Variants in ZBTB45 observed in about 807,000 individuals in gnomAD.
ZBTB45 encodes zinc finger and BTB domain containing 45.
A neutral mutation model predicts 28.4 loss-of-function variants in ZBTB45; 22 were observed. That is an observed-to-expected ratio of 0.77 (90% CI 0.55 to 1.10). ZBTB45 has a LOEUF of 1.10. Among genes scored for constraint, ZBTB45 ranks in the 50% least tolerant of loss-of-function variants. The probability of loss-of-function intolerance (pLI) is 0.00; values close to 1 mark genes in which losing one functional copy is unlikely to be tolerated. For missense variants in ZBTB45, 656 were observed against 750.2 expected, an observed-to-expected ratio of 0.87 and a Z score of 1.47; for synonymous variants, 361 against 332.3, an observed-to-expected ratio of 1.09 and a Z score of -0.94.
At chr19:58,533,261 C>T (rs2053643681) in intron 1 of ZBTB45, among the ~76,000 whole-genome samples, 1 of 152,218 alleles carries the variant, frequency 6.6e-6, no homozygotes, top group African/African-American at 2.4e-5. Flanking sequence ...GGGCATTAGT[C>T]CCATTATGGG....
At position 58,517,261 on chromosome 19, in the gene ZBTB45, G is replaced by T. The variant is rs1382155215; in HGVS notation, c.413C>A (p.Thr138Asn). Residue 138 changes from threonine to asparagine, a missense_variant, in exon 2 of 3, where the codon ACC becomes AAC. By Grantham distance (65) the Thr-to-Asn change is moderately conservative (BLOSUM62 0). Around this residue, in one of 3 missense-constraint regions of ZBTB45, gnomAD observed 448 missense variants for 444.3 expected, o/e 1.01. Coordinates refer to ENST00000594051, the MANE Select transcript of ZBTB45 (RefSeq NM_001316979.2). ...PGTSAPTPLPTPVPPPLAPAQ... is the reference protein window; with the variant it reads ...PGTSAPTPLPNPVPPPLAPAQ... ...AGGTGCGAGTGGCGGGGGCACAGGGGTGGGCAGGGGCGTGGGCGCAGAGGT... is the reference window on the plus strand; with the variant it reads ...AGGTGCGAGTGGCGGGGGCACAGGGTTGGGCAGGGGCGTGGGCGCAGAGGT... 2 of 1,583,638 alleles carry T rather than the reference G, an allele frequency of 1.3e-6. No individual in the cohort carries two copies. Among genetic ancestry groups the T allele is most frequent in the East Asian group, 2.3e-5 (1 of 44,300 alleles).
upstream of ZBTB45, among the ~76,000 whole-genome samples, chr19:58,523,386 A>C (rs942171507): frequency 6.6e-6 from 1 of 150,658 alleles, no homozygotes; most frequent in African/African-American, 2.5e-5. Context: ...TCTCTACTAA[A>C]AATACAAAAA....
chr19:58,536,460 C>T (rs564606279), intron 1 of ZBTB45, among the ~76,000 whole-genome samples: 2 of 131,578 alleles, frequency 1.5e-5, no homozygotes, highest in Non-Finnish European at 3.2e-5. Context: ...AGGGAGACGC[C>T]GTCTCAAAAA....
At position 58,513,745 on chromosome 19, in the gene ZBTB45, A is replaced by C; in HGVS notation, c.*309T>G. ...CACCCCAGGAGAGGGCGGGGTGAGAACCGGAGTCAAATCTTGGGCCGGGTC... is the reference window on the plus strand; with the variant it reads ...CACCCCAGGAGAGGGCGGGGTGAGACCCGGAGTCAAATCTTGGGCCGGGTC... On this transcript the variant is annotated 3_prime_UTR_variant, in exon 3 of 3. Transcript: ENST00000594051. The C allele has an allele frequency of 3.3e-6, 1 of 305,874 alleles. No individual in the cohort carries two copies. Among genetic ancestry groups the C allele is most frequent in the Non-Finnish European group, 6.0e-6 (1 of 167,436 alleles). The allele number at this position is 305,874 out of a possible 1,614,324, so 18.9% of individuals were successfully genotyped here. A position where few individuals can be genotyped will look rare whatever the true frequency, so the allele number is the denominator to read the frequency against.
In ZBTB45 at chr19:58,516,987, G is replaced by A. The variant is rs752608483; in HGVS notation, c.687C>T (p.Gly229=). The change falls in exon 2 of 3, where the codon GGC becomes GGT. Residue 229 remains glycine, a synonymous_variant. Transcript: ENST00000594051. The surrounding 1 kb of genome is among the most constrained non-coding windows in gnomAD (Gnocchi z 6.2). ...GGAAGGAAGGAGGTGCCTGGCCCTC[G>A]CCTGGGCCGCCACCTTCGCCATCCT... ...DGEDGEGGGP[G]EGQAPPSFPD... 1.9e-5 allele frequency: 30 copies of A among 1,613,064 alleles called. No individual in the cohort carries two copies. The highest frequency in any genetic ancestry group is 2.2e-5 in the East Asian group (1 of 44,894).
chr19:58,515,928 G>A lies in ZBTB45; in HGVS notation c.1279+467C>T, dbSNP rs920335776. Among the ~76,000 whole-genome samples the A allele has an allele frequency of 1.3e-5, 2 of 152,066 alleles. No individual in the cohort carries two copies. The highest frequency in any genetic ancestry group is 4.8e-5 in the African/African-American group (2 of 41,398). On this transcript the variant is annotated intron_variant, in intron 2 of 2. Transcript: ENST00000594051. This position sits in a 1 kb window ranked among gnomAD's most constrained non-coding sequence, Gnocchi z 4.7. The stretch of plus-strand genomic sequence containing the variant: ...ATGCCCCAGTCTCAGGAGTTCCTGG[G>A]GCCTTCATCCCACCACCTCTGAGGG...
At position 58,516,299 on chromosome 19, in the gene ZBTB45, G is replaced by T; in HGVS notation, c.1279+96C>A. ...GGCCCCCTGCTAACCAAAAGTAACAGAACAGTGCCAGTGCCCTGTAACTAG... is the reference window on the plus strand; with the variant it reads ...GGCCCCCTGCTAACCAAAAGTAACATAACAGTGCCAGTGCCCTGTAACTAG... On this transcript the variant is annotated intron_variant, in intron 2 of 2. Transcript: ENST00000594051. The surrounding 1 kb of genome is among the most constrained non-coding windows in gnomAD (Gnocchi z 6.2). 1 of 1,468,916 alleles carries T rather than the reference G, an allele frequency of 6.8e-7. No homozygotes were observed. The highest frequency in any genetic ancestry group is 9.3e-7 in the Non-Finnish European group (1 of 1,076,464). The allele number at this position is 1,468,916 out of a possible 1,614,324, so 91.0% of individuals were successfully genotyped here.
intron 1 of ZBTB45, among the ~76,000 whole-genome samples, chr19:58,528,965 T>A (rs2053621977): frequency 6.6e-6 from 1 of 151,790 alleles, no homozygotes; most frequent in South Asian, 2.1e-4. Context: ...ATGCCTGTAA[T>A]GCCAGCTACT....
In ZBTB45 at chr19:58,516,272, T is replaced by C; in HGVS notation, c.1279+123A>G. The C allele has an allele frequency of 1.6e-6, 2 of 1,276,506 alleles. No individual in the cohort carries two copies. Among genetic ancestry groups the C allele is most frequent in the Non-Finnish European group, 2.2e-6 (2 of 926,840 alleles). The allele number at this position is 1,276,506 out of a possible 1,614,324, so 79.1% of individuals were successfully genotyped here. ...TGCACTTGGGGGAAGGCTCAATTTC[T>C]AGGCCCCCTGCTAACCAAAAGTAAC... On this transcript the variant is annotated intron_variant, in intron 2 of 2. Coordinates refer to ENST00000594051, the MANE Select transcript of ZBTB45 (RefSeq NM_001316979.2). This position sits in a 1 kb window ranked among gnomAD's most constrained non-coding sequence, Gnocchi z 6.2.
chr19:58,517,939 G>A (rs13345233), intron 1 of ZBTB45, among the ~76,000 whole-genome samples: 76,334 of 148,482 alleles, frequency 0.51, 19,894 homozygotes, highest in East Asian at 0.66. Flanking sequence ...ACCCCTAGGA[G>A]AGGGTGTTGG....
intron 2 of ZBTB45, among the ~76,000 whole-genome samples, chr19:58,514,771 C>G (rs753858164): frequency 6.6e-6 from 1 of 152,122 alleles, no homozygotes; most frequent in Non-Finnish European, 1.5e-5. Context: ...CCTACCCACC[C>G]GGCACAGGGA....
Position 58,517,431 on chromosome 19 carries a change from T to A in ZBTB45, c.243A>T (p.Arg81=). 6.2e-7 allele frequency: 1 copy of A among 1,612,938 alleles called. No homozygotes were observed. The highest frequency in any genetic ancestry group is 8.5e-7 in the Non-Finnish European group (1 of 1,179,806). The change falls in exon 2 of 3, where the codon CGA becomes CGT. Residue 81 remains arginine (R), a synonymous_variant. Coordinates refer to ENST00000594051, the MANE Select transcript of ZBTB45 (RefSeq NM_001316979.2). ...CGCTGTACAGGAACTCTACCAGCTG[T>A]CGCACTGTCTGCGCGGGCACCACCG... ...VPPVVPAQTV[R]QLVEFLYSGS... is the part of the protein sequence containing the mutation.
intron 1 of ZBTB45, among the ~76,000 whole-genome samples, chr19:58,528,690 C>T (rs543687828): frequency 4.6e-5 from 7 of 152,090 alleles, no homozygotes; most frequent in African/African-American, 9.6e-5. Flanking sequence ...GTCAGGAGAT[C>T]GAGACCATCC....
upstream of ZBTB45, among the ~76,000 whole-genome samples, chr19:58,523,073 A>C (rs2053586844): frequency 6.6e-6 from 1 of 152,116 alleles, no homozygotes. Context: ...TCTCAGCTCC[A>C]AGGGATGGGG....
chr19:58,528,065 C>A (rs1435848786), intron 1 of ZBTB45, among the ~76,000 whole-genome samples: 1 of 152,182 alleles, frequency 6.6e-6, no homozygotes, highest in East Asian at 1.9e-4. Flanking sequence ...GGATAAATAA[C>A]TCCTCCCTTC....
At chr19:58,534,706 G>A (rs1269535107) in intron 1 of ZBTB45, among the ~76,000 whole-genome samples, 8 of 151,734 alleles carry the variant, frequency 5.3e-5, no homozygotes, top group African/African-American at 4.8e-5. Flanking sequence ...ACAGGTGCCC[G>A]CCACCACGCC....
chr19:58,521,702 A>G (rs2053579799), upstream of ZBTB45, among the ~76,000 whole-genome samples: 1 of 152,184 alleles, frequency 6.6e-6, no homozygotes, highest in South Asian at 2.1e-4. Context: ...AAATGCCACT[A>G]TTTGTTTCCC....
At chr19:58,530,373 T>A (rs1025796074) in intron 1 of ZBTB45, among the ~76,000 whole-genome samples, 1 of 152,084 alleles carries the variant, frequency 6.6e-6, no homozygotes, top group Non-Finnish European at 1.5e-5. Flanking sequence ...AATGGCATGA[T>A]CTCGGCTCAC....
At chr19:58,525,645 C>T (rs1156646205) in intron 1 of ZBTB45, among the ~76,000 whole-genome samples, 1 of 152,052 alleles carries the variant, frequency 6.6e-6, no homozygotes, top group Non-Finnish European at 1.5e-5. Flanking sequence ...GGCAAGTTGC[C>T]GTTGGGATTT....
Sources: gnomAD v4.1 joint callset for allele counts (sites outside exome capture counted in the v4.1 genomes callset) on GRCh38, gnomAD v4.1.1 for gene constraint, gnomAD v4.1.1 regional missense constraint, Gnocchi (gnomAD v3.1) non-coding constraint, MANE v1.5 for transcripts, NCBI Gene and HGNC (gene_info 2026-07-23, HGNC 2026-07-21) for gene names.